The following RUNX2 variants were observed in gnomAD, a reference collection of about 807,000 sequenced individuals.
The protein encoded by RUNX2 is RUNX family transcription factor 2.
In RUNX2, 10 loss-of-function variants were observed where a neutral mutation model predicts 51.7. The observed-to-expected ratio is 0.19, with a 90% CI of 0.12 to 0.33. RUNX2 has a LOEUF of 0.33. RUNX2 is among the 10% of genes least tolerant of loss of function. RUNX2 has a pLI of 1.00. For missense variants in RUNX2, 562 were observed against 691.3 expected (o/e 0.81, Z 2.10); for synonymous variants, 276 against 273.6 (o/e 1.01, Z -0.09).
intron 2 of RUNX2, chr6:45,361,559 C>T (rs1164930346): frequency 6.6e-6 from 1 of 152,200 alleles, no homozygotes; most frequent in African/African-American, 2.4e-5. Flanking sequence ...AAAGATTTCA[C>T]TTTCAAATTT....
chr6:45,452,139 G>A (rs762884790), intron 5 of RUNX2, among the ~76,000 whole-genome samples: 7 of 152,204 alleles, frequency 4.6e-5, no homozygotes, highest in South Asian at 4.1e-4. Context: ...GATAGAAAAG[G>A]TAGGGGGCTT....
chr6:45,437,869 T>C (rs1002657517), intron 4 of RUNX2, 78 bp from the exon 5 acceptor site: 2 of 1,053,488 alleles, frequency 1.9e-6, no homozygotes, highest in African/African-American at 3.1e-5. Context: ...AAATGCAATT[T>C]GGAAATCTAT....
chr6:45,466,460 C>T (rs1428021072), intron 5 of RUNX2, among the ~76,000 whole-genome samples: 1 of 152,174 alleles, frequency 6.6e-6, no homozygotes, highest in African/African-American at 2.4e-5. Context: ...AACCCAGTGA[C>T]CTGCAGAGTC....
rs1246963294 is a variant in RUNX2 at position 45,335,604 on chromosome 6, A to G, written c.58+6820A>G. Among the ~76,000 whole-genome samples the G allele has an allele frequency of 4.0e-5, 6 of 151,474 alleles. No homozygotes were observed. The East Asian group carries it at 1.2e-3, about 29-fold the overall frequency. The stretch of plus-strand genomic sequence containing the variant: ...GTAACAACTGTACAGGATCACAGAA[A>G]GGAAACTTCTTTATGCTAACAATCC... On this transcript the variant is annotated intron_variant, in intron 2 of 8. Coordinates refer to ENST00000647337, the MANE Select transcript of RUNX2 (RefSeq NM_001024630.4).
intron 2 of RUNX2, among the ~76,000 whole-genome samples, chr6:45,386,213 A>G (rs1456289041): frequency 6.6e-6 from 1 of 151,914 alleles, no homozygotes; most frequent in Non-Finnish European, 1.5e-5. Flanking sequence ...GATTATAGGC[A>G]TATGCCACCA....
intron 2 of RUNX2, among the ~76,000 whole-genome samples, chr6:45,395,868 G>A (rs1447414429): frequency 6.6e-6 from 1 of 152,126 alleles, no homozygotes; most frequent in East Asian, 1.9e-4. Flanking sequence ...ATTTCACCAT[G>A]TTGGCCAGGC....
At chr6:45,358,685 C>T (rs889318095) in intron 2 of RUNX2, among the ~76,000 whole-genome samples, 2 of 152,088 alleles carry the variant, frequency 1.3e-5, no homozygotes, top group African/African-American at 4.8e-5. Context: ...GGTTCACAGT[C>T]TCTTATCTGA....
At chr6:45,439,763 G>A (rs149763002) in intron 5 of RUNX2, among the ~76,000 whole-genome samples, 11 of 152,094 alleles carry the variant, frequency 7.2e-5, no homozygotes, top group East Asian at 5.8e-4. Context: ...GGCTGGGAGA[G>A]GAAAGAGGGA....
intron 2 of RUNX2, chr6:45,371,825 C>A: frequency 1.0e-6 from 1 of 984,184 alleles, no homozygotes; most frequent in Non-Finnish European, 1.2e-6. Context: ...CCAAAGACAT[C>A]TGAGCAGACT....
chr6:45,416,993 T>A (rs914511385), intron 2 of RUNX2, among the ~76,000 whole-genome samples: 3 of 152,176 alleles, frequency 2.0e-5, no homozygotes, highest in African/African-American at 7.2e-5. Context: ...CCATGCAAAT[T>A]ATTATAGGTC....
chr6:45,394,636 T>C (rs577746488), intron 2 of RUNX2, among the ~76,000 whole-genome samples: 26 of 152,294 alleles, frequency 1.7e-4, no homozygotes, highest in African/African-American at 6.3e-4. Context: ...TCACAAGTGC[T>C]TCTCATCTTC....
chr6:45,510,758 T>C (rs1360348632), intron 6 of RUNX2, among the ~76,000 whole-genome samples: 1 of 151,782 alleles, frequency 6.6e-6, no homozygotes, highest in Admixed American at 6.6e-5. Context: ...AATATATATA[T>C]GTATATAAAA....
In RUNX2 at chr6:45,389,865, G is replaced by A. The variant is rs150538067; in HGVS notation, c.59-32728G>A. On this transcript the variant is annotated intron_variant, in intron 2 of 8. Coordinates refer to ENST00000647337, the MANE Select transcript of RUNX2 (RefSeq NM_001024630.4). ...TCTCTACTAAAAATACAAAAATTAGGTATGGTGGTGCACACCTGTAATCCC... is the reference window on the plus strand; with the variant it reads ...TCTCTACTAAAAATACAAAAATTAGATATGGTGGTGCACACCTGTAATCCC... Among the ~76,000 whole-genome samples, 67 of 152,060 alleles carry A rather than the reference G, an allele frequency of 4.4e-4. No homozygotes were observed. The East Asian group carries it at 0.011, about 26-fold the overall frequency.
intron 2 of RUNX2, among the ~76,000 whole-genome samples, chr6:45,332,225 T>A (rs1301376759): frequency 6.6e-6 from 1 of 151,790 alleles, no homozygotes; most frequent in Admixed American, 6.6e-5. Flanking sequence ...CAAATATTCA[T>A]CTAGAGGGCT....
In RUNX2 at chr6:45,382,125, G is replaced by A. The variant is rs144134321; in HGVS notation, c.59-40468G>A. On this transcript the variant is annotated intron_variant, in intron 2 of 8. Coordinates refer to ENST00000647337, the MANE Select transcript of RUNX2 (RefSeq NM_001024630.4). ...GGCACATGAAAACTTAGTTGTTCCC[G>A]TTCCCATGGAATCCAATATGTAAAA... Among the ~76,000 whole-genome samples, 255 of 152,218 alleles carry A rather than the reference G, an allele frequency of 1.7e-3. 1 individual carries two copies. Among genetic ancestry groups the A allele is most frequent in the African/African-American group, 5.7e-3 (236 of 41,532 alleles).
chr6:45,458,313 C>A (rs766203148), intron 5 of RUNX2, among the ~76,000 whole-genome samples: 1 of 152,172 alleles, frequency 6.6e-6, no homozygotes, highest in Non-Finnish European at 1.5e-5. Flanking sequence ...AGGCATGAGC[C>A]ACCGTGCCCG....
At chr6:45,365,366 A>G (rs1023626580) in intron 2 of RUNX2, 8 of 1,091,900 alleles carry the variant, frequency 7.3e-6, no homozygotes, top group South Asian at 1.4e-5. Context: ...CAAAAAAAAA[A>G]GAAAGCAAAT....
chr6:45,441,346 G>A (rs1347400087), intron 5 of RUNX2, among the ~76,000 whole-genome samples: 1 of 152,180 alleles, frequency 6.6e-6, no homozygotes, highest in African/African-American at 2.4e-5. Flanking sequence ...ATGTCGGACT[G>A]CTTGGATCGA....
At chr6:45,393,586 C>T (rs1797520199) in intron 2 of RUNX2, among the ~76,000 whole-genome samples, 1 of 151,946 alleles carries the variant, frequency 6.6e-6, no homozygotes, top group Non-Finnish European at 1.5e-5. Flanking sequence ...CCCGCCACCA[C>T]CCCGGCTAAT....
Sources: gnomAD v4.1 joint callset for allele counts (sites outside exome capture counted in the v4.1 genomes callset) on GRCh38, gnomAD v4.1.1 for gene constraint, MANE v1.5 for transcripts, NCBI Gene and HGNC (gene_info 2026-07-23, HGNC 2026-07-21) for gene names.